Variants in PLAC8 observed in about 807,000 individuals in gnomAD.
PLAC8 encodes the protein placenta-specific gene 8 protein.
In PLAC8, 6 loss-of-function variants were observed where a neutral mutation model predicts 12.6. The observed-to-expected ratio is 0.48, with a 90% confidence interval of 0.26 to 0.94. The LOEUF (loss-of-function observed/expected upper bound fraction) is 0.94. Ranked by LOEUF, PLAC8 falls within the 40% of genes least tolerant of loss-of-function variation. The probability of loss-of-function intolerance (pLI) is 0.14; values close to 1 mark genes in which losing one functional copy is unlikely to be tolerated. For missense variants in PLAC8, 122 were observed against 152.7 expected (o/e 0.80, Z 1.06); for synonymous variants, 54 against 52.6 (o/e 1.03, Z -0.11).
chr4:83,102,127 C>A (rs997614116), intron 3 of PLAC8, among the ~76,000 whole-genome samples: 1 of 150,994 alleles, frequency 6.6e-6, no homozygotes, highest in Non-Finnish European at 1.5e-5. Flanking sequence ...AAAAAAAAAA[C>A]ACTTTTGAAG....
intron 3 of PLAC8, among the ~76,000 whole-genome samples, chr4:83,097,021 A>G (rs944619490): frequency 1.3e-5 from 2 of 152,198 alleles, no homozygotes; most frequent in African/African-American, 4.8e-5. Context: ...TTGGGGATGG[A>G]GAAACCAGTA....
intron 3 of PLAC8, 34 bp downstream of exon 3, chr4:83,104,862 A>G (rs1157337926): frequency 1.2e-6 from 2 of 1,608,140 alleles, no homozygotes; most frequent in Non-Finnish European, 1.7e-6. Flanking sequence ...AATGGGGTGC[A>G]TATTTGAGTG....
At chr4:83,099,283 AC>A (rs565691660) in intron 3 of PLAC8, among the ~76,000 whole-genome samples, 42 of 151,868 alleles carry the variant, frequency 2.8e-4, no homozygotes, top group Non-Finnish European at 5.3e-4. Context: ...AGGCTGGAGT[AC>A]AATGATGCAA....
intron 1 of PLAC8, among the ~76,000 whole-genome samples, chr4:83,108,766 G>A (rs1215038839): frequency 6.6e-6 from 1 of 152,236 alleles, no homozygotes; most frequent in Non-Finnish European, 1.5e-5. Context: ...ATGGCCGACA[G>A]TAGTGAATTA....
chr4:83,104,552 G>T (rs1173327829), intron 3 of PLAC8, among the ~76,000 whole-genome samples: 2 of 152,152 alleles, frequency 1.3e-5, no homozygotes, highest in Non-Finnish European at 2.9e-5. Context: ...GTTCTCTTTG[G>T]CAAAATGTTG....
At chr4:83,093,626 C>T (rs1731858991) in intron 4 of PLAC8, 1 of 152,232 alleles carries the variant, frequency 6.6e-6, no homozygotes, top group African/African-American at 2.4e-5. Context: ...TTCACCTATA[C>T]ATCTTACAAG....
At chr4:83,101,230 A>T (rs1578739313) in intron 3 of PLAC8, among the ~76,000 whole-genome samples, 1 of 152,158 alleles carries the variant, frequency 6.6e-6, no homozygotes, top group Non-Finnish European at 1.5e-5. Flanking sequence ...ATACAAAAAA[A>T]TTAGCTGGGT....
chr4:83,100,535 T>A (rs1397301065), intron 3 of PLAC8, among the ~76,000 whole-genome samples: 3 of 83,050 alleles, frequency 3.6e-5, no homozygotes, highest in Non-Finnish European at 7.6e-5. Flanking sequence ...TTACCCAGCC[T>A]CAGGTACTTC....
chr4:83,105,993 T>G (rs889605884), intron 2 of PLAC8, among the ~76,000 whole-genome samples: 2 of 152,016 alleles, frequency 1.3e-5, no homozygotes, highest in Non-Finnish European at 2.9e-5. Context: ...ATTCTTTTTT[T>G]ATTTTTATTT....
At chr4:83,104,080 A>G (rs932878191) in intron 3 of PLAC8, among the ~76,000 whole-genome samples, 1 of 152,248 alleles carries the variant, frequency 6.6e-6, no homozygotes, top group African/African-American at 2.4e-5. Flanking sequence ...AGGCAAAAAC[A>G]TTATGAATTG....
rs187305974 is a variant in PLAC8, at chr4:83,103,612, C to A, written c.243+1284G>T. ...CAAATAGCATAGAAATCTTTCCTTTCATGAAAGGAATGGTCAATCAATGAG... is the reference window on the plus strand; with the variant it reads ...CAAATAGCATAGAAATCTTTCCTTTAATGAAAGGAATGGTCAATCAATGAG... On this transcript the variant is annotated intron_variant, in intron 3 of 4. Coordinates refer to ENST00000311507, the MANE Select transcript of PLAC8 (RefSeq NM_016619.3). Among the ~76,000 whole-genome samples the A allele has an allele frequency of 1.2e-3, 177 of 152,294 alleles. 2 individuals carry two copies. The highest frequency in any genetic ancestry group is 4.0e-3 in the African/African-American group (166 of 41,544).
At chr4:83,112,561 A>G (rs919734972) in intron 1 of PLAC8, among the ~76,000 whole-genome samples, 1 of 152,208 alleles carries the variant, frequency 6.6e-6, no homozygotes, top group African/African-American at 2.4e-5. Flanking sequence ...TGCGTAGAAG[A>G]GTAGTCCTAA....
In PLAC8 at chr4:83,094,693, A is replaced by G. The variant is rs770834096; in HGVS notation, c.342T>C (p.Thr114=). Residue 114 remains threonine, a synonymous_variant, in exon 4 of 5, where the codon ACT becomes ACC. Coordinates refer to ENST00000311507, the MANE Select transcript of PLAC8 (RefSeq NM_016619.3). ...ATTGACTCACCATCAGTTTTTAGAA[A>G]GTACGCATGGCTCTCCTTCTGTTGA... The part of the protein sequence containing the change: ...RDINRRRAMR[T]F 3.1e-6 allele frequency: 5 copies of G among 1,593,908 alleles called. No individual in the cohort carries two copies. Among genetic ancestry groups the G allele is most frequent in the East Asian group, 2.2e-5 (1 of 44,454 alleles).
At chr4:83,105,110 G>A (rs1732204787) in intron 2 of PLAC8, 90 bp from the exon 3 acceptor site, 3 of 1,481,214 alleles carry the variant, frequency 2.0e-6, no homozygotes, top group African/African-American at 1.4e-5. Context: ...GGCAGTCCGA[G>A]TCATGGGGCC....
chr4:83,094,612 G>T, intron 4 of PLAC8, 66 bp downstream of exon 4: 1 of 818,114 alleles, frequency 1.2e-6, no homozygotes, highest in Non-Finnish European at 2.0e-6. Context: ...ACAAATAATT[G>T]ACAAAGTCTT....
intron 1 of PLAC8, among the ~76,000 whole-genome samples, chr4:83,108,530 G>T (rs1732317942): frequency 6.6e-6 from 1 of 152,208 alleles, no homozygotes; most frequent in African/African-American, 2.4e-5. Context: ...GAAGGTGGAG[G>T]TTGCATTAAG....
intron 2 of PLAC8, among the ~76,000 whole-genome samples, chr4:83,106,371 A>G (rs1732240725): frequency 6.6e-6 from 1 of 151,986 alleles, no homozygotes; most frequent in Non-Finnish European, 1.5e-5. Context: ...TAATCCTAGC[A>G]CTTTGGAAGG....
chr4:83,106,650 T>A (rs1732248487), intron 2 of PLAC8, among the ~76,000 whole-genome samples: 1 of 152,032 alleles, frequency 6.6e-6, no homozygotes, highest in Non-Finnish European at 1.5e-5. Context: ...AAGGTTCAAT[T>A]CAACTCTCAT....
intron 1 of PLAC8, among the ~76,000 whole-genome samples, chr4:83,110,142 C>T (rs1161505078): frequency 6.6e-6 from 1 of 152,186 alleles, no homozygotes; most frequent in Middle Eastern, 3.2e-3. Context: ...TCGCTCCGGG[C>T]GCCCAGGCTC....
Sources: allele counts gnomAD v4.1 joint callset (sites outside exome capture counted in the v4.1 genomes callset), GRCh38; gene constraint gnomAD v4.1.1; transcripts MANE v1.5; gene names NCBI Gene and HGNC (gene_info 2026-07-23, HGNC 2026-07-21).